FBXO34: variants seen among roughly 807,000 people sequenced by gnomAD.
FBXO34 encodes the protein F-box only protein 34.
Under a neutral mutation model 24.5 loss-of-function variants are expected in FBXO34, and 12 were observed. The ratio of observed to expected loss-of-function variants is 0.49; its 90% CI spans 0.31 to 0.79. The LOEUF is 0.79. Ranked by LOEUF, FBXO34 falls within the 30% of genes least tolerant of loss-of-function variation. The probability of loss-of-function intolerance (pLI) is 0.04; values close to 1 mark genes in which losing one functional copy is unlikely to be tolerated. For synonymous variants in FBXO34, 320 were observed against 311.9 expected (o/e 1.03, Z -0.27); for missense variants, 823 against 857.7 (o/e 0.96, Z 0.51).
intron 1 of FBXO34, among the ~76,000 whole-genome samples, chr14:55,276,428 A>G (rs1297374923): frequency 1.3e-5 from 2 of 152,168 alleles, no homozygotes; most frequent in African/African-American, 4.8e-5. Context: ...TTGTATTTCA[A>G]AGTATACTTT....
chr14:55,338,719 T>C (rs1883878324), intron 1 of FBXO34, among the ~76,000 whole-genome samples: 2 of 151,832 alleles, frequency 1.3e-5, no homozygotes, highest in South Asian at 4.2e-4. Flanking sequence ...CCATCCTGGC[T>C]AACACGGTGA....
chr14:55,321,684 A>C (rs1285017188), intron 1 of FBXO34, among the ~76,000 whole-genome samples: 3 of 152,208 alleles, frequency 2.0e-5, no homozygotes, highest in African/African-American at 4.8e-5. Flanking sequence ...GGCGTGAGCC[A>C]CTGCATCCAG....
At chr14:55,382,929 A>T in the FBXO34 span, among the ~76,000 whole-genome samples, 1 of 152,272 alleles carries the variant, frequency 6.6e-6, no homozygotes, top group Non-Finnish European at 1.5e-5. Context: ...CAATAAACCT[A>T]TTATACATTT....
the FBXO34 span, among the ~76,000 whole-genome samples, chr14:55,431,862 C>CT: frequency 5.6e-3 from 850 of 152,312 alleles, 8 homozygotes; most frequent in African/African-American, 0.017. Context: ...CCACATCTGA[C>CT]TAGTGGCTAT....
chr14:55,381,907 A>G, the FBXO34 span: 4 of 1,490,912 alleles, frequency 2.7e-6, no homozygotes, highest in Middle Eastern at 1.8e-4. Flanking sequence ...TGTTATGTCA[A>G]TTTTACCTAT....
At chr14:55,335,819 T>C (rs1217037153) in intron 1 of FBXO34, among the ~76,000 whole-genome samples, 5 of 152,216 alleles carry the variant, frequency 3.3e-5, no homozygotes, top group African/African-American at 9.6e-5. Context: ...TTTATATCCA[T>C]ATATACATAA....
chr14:55,281,991 CTTTTTTTTTTT>C (rs372305828), intron 1 of FBXO34, among the ~76,000 whole-genome samples: 1,608 of 65,184 alleles, frequency 0.025, 59 homozygotes, highest in Middle Eastern at 0.074. Context: ...TTAAATTTAG[CTTTTTTTTTTT>C]TTTTTTTTTT....
chr14:55,417,637 T>C, the FBXO34 span, among the ~76,000 whole-genome samples: 1 of 152,060 alleles, frequency 6.6e-6, no homozygotes, highest in Non-Finnish European at 1.5e-5. Context: ...TTTTGTCTAT[T>C]TTCAGTAGAG....
the FBXO34 span, chr14:55,413,539 A>AG: frequency 2.5e-6 from 1 of 393,814 alleles, no homozygotes; most frequent in East Asian, 6.8e-5. Context: ...ACAGTTCAGA[A>AG]TTTTTTTTGA....
chr14:55,278,900 T>C (rs2139635407), intron 1 of FBXO34, among the ~76,000 whole-genome samples: 1 of 152,312 alleles, frequency 6.6e-6, no homozygotes, highest in South Asian at 2.1e-4. Flanking sequence ...TTGCCCAGGC[T>C]AGTCTCGAGT....
At chr14:55,360,533 C>T (rs1160501696) in intron 3 of FBXO34, among the ~76,000 whole-genome samples, 2 of 152,190 alleles carry the variant, frequency 1.3e-5, no homozygotes, top group East Asian at 3.9e-4. Flanking sequence ...GGGTCTTAAA[C>T]CCCTCAAAGT....
chr14:55,400,733 T>C, the FBXO34 span, among the ~76,000 whole-genome samples: 5 of 151,954 alleles, frequency 3.3e-5, no homozygotes, highest in African/African-American at 9.7e-5. Context: ...CGAAACTCTG[T>C]CTCTACTAAA....
At chr14:55,372,834 G>T (rs1207681694), downstream of FBXO34, among the ~76,000 whole-genome samples, 2 of 152,154 alleles carry the variant, frequency 1.3e-5, no homozygotes, top group African/African-American at 4.8e-5. Flanking sequence ...AGGAGGAAAT[G>T]TCCAAGTTCC....
chr14:55,427,832 T>TACACAC, the FBXO34 span, among the ~76,000 whole-genome samples: 1 of 145,172 alleles, frequency 6.9e-6, no homozygotes, highest in Non-Finnish European at 1.5e-5. Flanking sequence ...TGCAGCTATA[T>TACACAC]ACACACACAC....
chr14:55,435,977 G>C, the FBXO34 span: 2 of 1,084,982 alleles, frequency 1.8e-6, no homozygotes, highest in South Asian at 3.1e-5. Context: ...CAGATATAAA[G>C]AGTAAAAAAA....
intron 1 of FBXO34, chr14:55,285,619 G>C (rs1186403469): frequency 6.6e-6 from 1 of 152,094 alleles, no homozygotes; most frequent in Non-Finnish European, 1.5e-5. Flanking sequence ...CCCTTTTAGG[G>C]GACATAACTA....
chr14:55,367,582 T>G (rs994177479), exon 3 of FBXO34: 1 of 152,072 alleles, frequency 6.6e-6, no homozygotes, highest in African/African-American at 2.4e-5. Context: ...CCGTCTTTAC[T>G]AAAATACAAA....
chr14:55,390,563 G>A, the FBXO34 span, among the ~76,000 whole-genome samples: 1 of 151,896 alleles, frequency 6.6e-6, no homozygotes, highest in African/African-American at 2.4e-5. Context: ...AGTAGAGACG[G>A]AGTTTCACCA....
chr14:55,317,615 T>G (rs1196825878), intron 1 of FBXO34, among the ~76,000 whole-genome samples: 1 of 152,380 alleles, frequency 6.6e-6, no homozygotes, highest in East Asian at 1.9e-4. Context: ...TATAGTAATA[T>G]ATACTGTGCA....
Sources: gnomAD v4.1 joint callset for allele counts (sites outside exome capture counted in the v4.1 genomes callset) on GRCh38, gnomAD v4.1.1 for gene constraint, MANE v1.5 for transcripts, NCBI Gene and HGNC (gene_info 2026-07-23, HGNC 2026-07-21) for gene names.